The following RBFOX1 variants were observed in gnomAD, a reference collection of about 807,000 sequenced individuals.
The protein encoded by RBFOX1 is RNA binding fox-1 homolog 1.
Under a neutral mutation model 57.7 loss-of-function variants are expected in RBFOX1, and 8 were observed. The observed-to-expected ratio is 0.14, with a 90% CI of 0.08 to 0.25. RBFOX1 has a LOEUF of 0.25. Ranked by LOEUF, RBFOX1 falls within the 10% of genes least tolerant of loss-of-function variation. RBFOX1 has a pLI of 1.00. For synonymous variants in RBFOX1, 326 were observed against 222.4 expected (o/e 1.47, Z -4.15); for missense variants, 611 against 548.5 (o/e 1.11, Z -1.14).
rs191799653 is a variant in RBFOX1 at position 6,142,367 on chromosome 16, G to A, written c.-127+122375G>A. ...CTCCCGAGTAGCTGGGACTACAGGC[G>A]CCCGCCTCCGCACGTGGCTAATTTT... On this transcript the variant is annotated intron_variant, in intron 1 of 15. Transcript: ENST00000550418. Among the ~76,000 whole-genome samples, 862 of 151,492 alleles carry A rather than the reference G, an allele frequency of 5.7e-3. 6 individuals carry two copies. The highest frequency in any genetic ancestry group is 0.041 in the Middle Eastern group (12 of 294).
intron 3 of RBFOX1, among the ~76,000 whole-genome samples, chr16:5,687,634 G>A (rs546021900): frequency 1.3e-5 from 2 of 152,274 alleles, no homozygotes; most frequent in Admixed American, 1.3e-4. Flanking sequence ...GCGTCACCAT[G>A]AAACCAGTAT....
At chr16:5,925,650 T>A (rs2058924520) in intron 4 of RBFOX1, among the ~76,000 whole-genome samples, 1 of 152,060 alleles carries the variant, frequency 6.6e-6, no homozygotes. Context: ...TTTTATGTTA[T>A]GTGTATTTTA....
chr16:5,864,572 A>G lies in RBFOX1; in HGVS notation c.319-2731A>G, dbSNP rs141809281. On this transcript the variant is annotated intron_variant, in intron 3 of 19. Coordinates refer to the RBFOX1 transcript ENST00000641259. ...GTTTTTTTTTTTTTTAGAAAATGGT[A>G]TCTTATGTACACTTTTCTGAATGTT... Among the ~76,000 whole-genome samples the G allele has an allele frequency of 4.6e-4, 67 of 146,720 alleles. 1 individual carries two copies. The highest frequency in any genetic ancestry group is 1.5e-3 in the African/African-American group (59 of 39,778).
chr16:7,322,523 C>G (rs1257323552), intron 4 of RBFOX1, among the ~76,000 whole-genome samples: 1 of 152,206 alleles, frequency 6.6e-6, no homozygotes, highest in Non-Finnish European at 1.5e-5. Context: ...ACTTGGAAAT[C>G]TGATGGACAG....
chr16:7,424,534 A>G (rs979276790), intron 4 of RBFOX1, among the ~76,000 whole-genome samples: 13 of 152,214 alleles, frequency 8.5e-5, no homozygotes, highest in African/African-American at 3.1e-4. Context: ...TGCCGGGATT[A>G]CAGGTGTGAA....
chr16:6,512,532 A>G (rs2096276387), intron 2 of RBFOX1, among the ~76,000 whole-genome samples: 1 of 152,078 alleles, frequency 6.6e-6, no homozygotes, highest in Non-Finnish European at 1.5e-5. Context: ...CTGGACCAAG[A>G]CTGGGTGTTG....
At chr16:7,115,230 A>T (rs2065627880) in intron 4 of RBFOX1, among the ~76,000 whole-genome samples, 1 of 152,168 alleles carries the variant, frequency 6.6e-6, no homozygotes. Flanking sequence ...AGGGGTGGAC[A>T]TTCCCATGTC....
At chr16:5,956,554 G>A (rs1195218072) in intron 4 of RBFOX1, among the ~76,000 whole-genome samples, 2 of 150,896 alleles carry the variant, frequency 1.3e-5, no homozygotes, top group Admixed American at 6.6e-5. Context: ...TAAGTTAGAT[G>A]TGGGGTGGAA....
chr16:6,869,329 G>A (rs1043121649), intron 3 of RBFOX1, among the ~76,000 whole-genome samples: 1 of 152,110 alleles, frequency 6.6e-6, no homozygotes, highest in African/African-American at 2.4e-5. Context: ...TGAAGAAATG[G>A]GCTCAGAGGG....
intron 4 of RBFOX1, among the ~76,000 whole-genome samples, chr16:7,446,759 T>G (rs2098811017): frequency 1.4e-5 from 2 of 147,184 alleles, no homozygotes; most frequent in Non-Finnish European, 3.0e-5. Context: ...CAACTTAAGC[T>G]CACGTTTTCC....
chr16:7,249,483 T>C (rs140118256), intron 4 of RBFOX1, among the ~76,000 whole-genome samples: 64 of 152,264 alleles, frequency 4.2e-4, no homozygotes, highest in Non-Finnish European at 8.8e-4. Flanking sequence ...TCCAGCTATC[T>C]GAATTCTCTG....
At chr16:6,356,544 T>A (rs2087352040) in intron 2 of RBFOX1, among the ~76,000 whole-genome samples, 1 of 152,204 alleles carries the variant, frequency 6.6e-6, no homozygotes, top group Non-Finnish European at 1.5e-5. Flanking sequence ...ATCAGATCAA[T>A]TCAAAATTGG....
chr16:5,824,960 G>A (rs1178134053), intron 3 of RBFOX1, among the ~76,000 whole-genome samples: 1 of 152,146 alleles, frequency 6.6e-6, no homozygotes, highest in African/African-American at 2.4e-5. Flanking sequence ...GATTCTTACT[G>A]TGAGGGTCAA....
intron 1 of RBFOX1, among the ~76,000 whole-genome samples, chr16:5,384,703 C>T (rs1199432015): frequency 2.0e-5 from 3 of 152,172 alleles, no homozygotes; most frequent in Non-Finnish European, 2.9e-5. Context: ...AAAATAGCTT[C>T]AGGAGGTTCT....
intron 1 of RBFOX1, among the ~76,000 whole-genome samples, chr16:5,283,789 G>A (rs1455576050): frequency 6.6e-6 from 1 of 152,214 alleles, no homozygotes; most frequent in Non-Finnish European, 1.5e-5. Flanking sequence ...ATAGGCGGAA[G>A]GGATTTGCCT....
At chr16:7,516,317 C>G (rs1333264422) in intron 4 of RBFOX1, among the ~76,000 whole-genome samples, 2 of 151,996 alleles carry the variant, frequency 1.3e-5, no homozygotes, top group African/African-American at 2.4e-5. Context: ...TGCATGAACG[C>G]AAATCCATGG....
chr16:5,527,772 C>T (rs1002685066), intron 2 of RBFOX1, among the ~76,000 whole-genome samples: 10 of 152,096 alleles, frequency 6.6e-5, no homozygotes, highest in South Asian at 2.1e-4. Flanking sequence ...ATCTAAGGGA[C>T]GATCTTTGAG....
intron 4 of RBFOX1, among the ~76,000 whole-genome samples, chr16:5,961,917 T>C (rs1012523496): frequency 2.0e-5 from 3 of 152,184 alleles, no homozygotes; most frequent in Admixed American, 2.0e-4. Context: ...TAAGGTGAAG[T>C]TTATCTTTCT....
intron 4 of RBFOX1, among the ~76,000 whole-genome samples, chr16:7,294,138 G>T (rs766696705): frequency 6.6e-6 from 1 of 152,154 alleles, no homozygotes; most frequent in Non-Finnish European, 1.5e-5. Context: ...AACACAGAGA[G>T]TGGGTGGGGT....
Sources: gnomAD v4.1 joint callset for allele counts (sites outside exome capture counted in the v4.1 genomes callset) on GRCh38, gnomAD v4.1.1 for gene constraint, MANE v1.5 for transcripts, NCBI Gene and HGNC (gene_info 2026-07-23, HGNC 2026-07-21) for gene names.